Variants in GRIP1 observed in about 807,000 individuals in gnomAD.
GRIP1 encodes the protein glutamate receptor-interacting protein 1.
Under a neutral mutation model 129.9 loss-of-function variants are expected in GRIP1, and 45 were observed. That is an observed-to-expected ratio of 0.35 (90% CI 0.27 to 0.44). The LOEUF (loss-of-function observed/expected upper bound fraction) is 0.44. Among genes scored for constraint, GRIP1 ranks in the 20% least tolerant of loss-of-function variants. GRIP1 has a pLI of 1.00. For synonymous variants in GRIP1, 530 were observed against 520.8 expected, an observed-to-expected ratio of 1.02 and a Z score of -0.24; for missense variants, 1,196 against 1,396.8, an observed-to-expected ratio of 0.86 and a Z score of 2.29.
At chr12:67,032,885 T>A (rs1324963470) in intron 1 of GRIP1, among the ~76,000 whole-genome samples, 1 of 152,158 alleles carries the variant, frequency 6.6e-6, no homozygotes, top group African/African-American at 2.4e-5. Flanking sequence ...TAATATTTTA[T>A]TTAACATTTC....
At chr12:67,004,627 G>T (rs2042600585) in intron 1 of GRIP1, among the ~76,000 whole-genome samples, 1 of 151,966 alleles carries the variant, frequency 6.6e-6, no homozygotes, top group South Asian at 2.1e-4. Flanking sequence ...CCATGACCCT[G>T]GTTGGATGGG....
Position 66,377,386 on chromosome 12 carries a change from G to T in GRIP1, c.2622-101C>A, listed in dbSNP as rs1258728472. On this transcript the variant is annotated intron_variant, in intron 20 of 24. Transcript: ENST00000359742. ...TCTGTCGCCCAGGCTGGAGTGCAGT[G>T]GCGCAATCTCGGCTCACTGCAAGCT... 5.0e-6 allele frequency: 4 copies of T among 806,730 alleles called. No homozygotes were observed. The East Asian group carries it at 1.0e-4, about 20-fold the overall frequency. 50.0% of individuals were successfully genotyped at this position (806,730 alleles called of 1,614,324 possible). A position where few individuals can be genotyped will look rare whatever the true frequency, so the allele number is the denominator to read the frequency against.
At chr12:66,882,830 T>G (rs1002936407) in intron 1 of GRIP1, among the ~76,000 whole-genome samples, 12 of 151,958 alleles carry the variant, frequency 7.9e-5, no homozygotes, top group Non-Finnish European at 1.8e-4. Flanking sequence ...GAAGGATTAT[T>G]ATCTCCTCCT....
chr12:66,516,977 GTT>G, intron 6 of GRIP1, among the ~76,000 whole-genome samples: 1 of 152,262 alleles, frequency 6.6e-6, no homozygotes, highest in Non-Finnish European at 1.5e-5. Flanking sequence ...GTAGAGGGTG[GTT>G]GTAAGGATAA....
intron 2 of GRIP1, among the ~76,000 whole-genome samples, chr12:66,546,318 T>C (rs891180495): frequency 1.5e-5 from 2 of 132,628 alleles, no homozygotes; most frequent in Admixed American, 1.6e-4. Flanking sequence ...ATCTCATCTC[T>C]GCATAATTTT....
intron 1 of GRIP1, among the ~76,000 whole-genome samples, chr12:66,894,996 T>C (rs2040721933): frequency 6.6e-6 from 1 of 152,190 alleles, no homozygotes; most frequent in Non-Finnish European, 1.5e-5. Flanking sequence ...GGATTAGCTA[T>C]GCCTGACTTT....
intron 1 of GRIP1, among the ~76,000 whole-genome samples, chr12:66,956,798 A>C (rs1490962734): frequency 6.6e-6 from 1 of 152,170 alleles, no homozygotes; most frequent in Non-Finnish European, 1.5e-5. Context: ...ATGTCACTGC[A>C]TCAAGGCCCC....
At chr12:66,538,102 C>T (rs1230097742) in intron 4 of GRIP1, among the ~76,000 whole-genome samples, 1 of 152,058 alleles carries the variant, frequency 6.6e-6, no homozygotes, top group Non-Finnish European at 1.5e-5. Flanking sequence ...CTGCTCTATC[C>T]ATCTGGATGT....
chr12:66,995,080 A>G (rs1424428454), intron 1 of GRIP1, among the ~76,000 whole-genome samples: 1 of 152,042 alleles, frequency 6.6e-6, no homozygotes, highest in Admixed American at 6.6e-5. Flanking sequence ...ATGCCGAGAC[A>G]TCTCAATGGG....
chr12:66,495,447 C>T (rs1387417741), intron 7 of GRIP1, among the ~76,000 whole-genome samples: 1 of 152,124 alleles, frequency 6.6e-6, no homozygotes, highest in African/African-American at 2.4e-5. Context: ...AGATTATCTA[C>T]ACTGTTATGG....
intron 1 of GRIP1, among the ~76,000 whole-genome samples, chr12:66,878,640 A>G (rs2040422328): frequency 6.6e-6 from 1 of 152,110 alleles, no homozygotes. Flanking sequence ...AGCACCTACT[A>G]TGTATCAGAC....
At chr12:66,633,442 C>A (rs74661360) in intron 1 of GRIP1, among the ~76,000 whole-genome samples, 1 of 151,414 alleles carries the variant, frequency 6.6e-6, no homozygotes, top group South Asian at 2.1e-4. Context: ...TGGGCTAATG[C>A]GCCCAGCCAA....
chr12:66,621,964 A>C (rs7300761), intron 1 of GRIP1, among the ~76,000 whole-genome samples: 49,201 of 151,878 alleles, frequency 0.32, 8,246 homozygotes, highest in Non-Finnish European at 0.35. Flanking sequence ...TTTGCTGTTG[A>C]GTTGTAAAAT....
rs1205030153 is a variant in GRIP1 at position 66,810,876 on chromosome 12, C to T, written c.59-213949G>A. Among the ~76,000 whole-genome samples, 5 of 152,266 alleles carry T rather than the reference C, an allele frequency of 3.3e-5. 1 individual carries two copies. Among genetic ancestry groups the T allele is most frequent in the Admixed American group, 3.3e-4 (5 of 15,292 alleles). On this transcript the variant is annotated intron_variant, in intron 1 of 1. Coordinates refer to the GRIP1 transcript ENST00000643019. Reference sequence around the variant, plus strand: ...CCTGCCTAAACAGTGATAATATACCCTAAGTTTGCTCATCTGCAAATTGGT... The same window carrying T: ...CCTGCCTAAACAGTGATAATATACCTTAAGTTTGCTCATCTGCAAATTGGT...
chr12:66,977,583 G>A (rs917074171), intron 1 of GRIP1, among the ~76,000 whole-genome samples: 12 of 151,928 alleles, frequency 7.9e-5, no homozygotes, highest in Non-Finnish European at 1.5e-4. Flanking sequence ...TCTCCCTGAG[G>A]TACACCACAA....
intron 1 of GRIP1, among the ~76,000 whole-genome samples, chr12:66,781,066 G>A (rs546434387): frequency 6.6e-6 from 1 of 152,150 alleles, no homozygotes; most frequent in Non-Finnish European, 1.5e-5. Flanking sequence ...TTCTAGGGGA[G>A]TTTGTTACCC....
chr12:66,525,310 C>T (rs1203247136), intron 5 of GRIP1, among the ~76,000 whole-genome samples: 2 of 152,164 alleles, frequency 1.3e-5, no homozygotes, highest in African/African-American at 4.8e-5. Context: ...AATCCAGCAG[C>T]ACATCAAAAA....
At chr12:66,844,202 A>G (rs2137057752) in intron 1 of GRIP1, among the ~76,000 whole-genome samples, 1 of 152,312 alleles carries the variant, frequency 6.6e-6, no homozygotes, top group South Asian at 2.1e-4. Context: ...TATGCTCAAC[A>G]TCACTACTTA....
chr12:66,723,210 C>T (rs2036116250), intron 1 of GRIP1, among the ~76,000 whole-genome samples: 1 of 49,832 alleles, frequency 2.0e-5, no homozygotes, highest in African/African-American at 1.1e-4. Context: ...TCTTTTCTTT[C>T]TTTCTTTCTT....
Sources: gnomAD v4.1 joint callset for allele counts (sites outside exome capture counted in the v4.1 genomes callset) on GRCh38, gnomAD v4.1.1 for gene constraint, MANE v1.5 for transcripts, NCBI Gene and HGNC (gene_info 2026-07-23, HGNC 2026-07-21) for gene names.